The following PADI4 variants were observed in gnomAD, a reference collection of about 807,000 sequenced individuals.
The protein encoded by PADI4 is peptidyl arginine deiminase 4, also known as protein-arginine deiminase type-4.
Under a neutral mutation model 75.0 loss-of-function variants are expected in PADI4, and 62 were observed. The observed-to-expected ratio is 0.83, with a 90% CI of 0.67 to 1.02. The LOEUF (loss-of-function observed/expected upper bound fraction) is 1.02, where lower values mean the gene tolerates loss of function less well. PADI4 is among the 50% of genes least tolerant of loss of function. The pLI is 0.00. For synonymous variants in PADI4, 361 were observed against 348.1 expected (o/e 1.04, Z -0.41); for missense variants, 845 against 850.5 (o/e 0.99, Z 0.08).
chr1:17,354,391 G>T (rs986033419), intron 10 of PADI4, 142 bp from the exon 11 acceptor site: 5 of 731,190 alleles, frequency 6.8e-6, no homozygotes, highest in Non-Finnish European at 1.2e-5. Context: ...TTCCACATGT[G>T]ATAACAGCAC....
At chr1:17,342,907 G>A (rs143450464) in intron 8 of PADI4, among the ~76,000 whole-genome samples, 79 of 152,292 alleles carry the variant, frequency 5.2e-4, no homozygotes, top group African/African-American at 1.7e-3. Context: ...CCCTGGAGGC[G>A]GAGGTTGCAG....
At chr1:17,329,270 G>A (rs1349147787) in intron 1 of PADI4, among the ~76,000 whole-genome samples, 2 of 149,514 alleles carry the variant, frequency 1.3e-5, no homozygotes, top group Non-Finnish European at 3.0e-5. Context: ...AGCTTGCAGT[G>A]AGCCAAGATC....
intron 5 of PADI4, among the ~76,000 whole-genome samples, 157 bp downstream of exon 5, chr1:17,338,312 C>T (rs965354376): frequency 3.9e-5 from 6 of 152,160 alleles, no homozygotes; most frequent in African/African-American, 9.7e-5. Flanking sequence ...CAAAGGCCCT[C>T]GGGGGTCAAG....
chr1:17,309,485 C>T (rs2073758504), intron 1 of PADI4, among the ~76,000 whole-genome samples: 1 of 152,116 alleles, frequency 6.6e-6, no homozygotes, highest in Non-Finnish European at 1.5e-5. Flanking sequence ...TTGTTCAGGG[C>T]TCAGTCTTTT....
intron 10 of PADI4, among the ~76,000 whole-genome samples, chr1:17,351,460 A>G (rs1343798713): frequency 6.6e-6 from 1 of 151,720 alleles, no homozygotes; most frequent in Admixed American, 6.6e-5. Context: ...AAAAATAAAA[A>G]TAAGCCAGGC....
chr1:17,363,421 A>AT (rs2074874218), intron 15 of PADI4, 101 bp from the exon 16 acceptor site: 2 of 760,960 alleles, frequency 2.6e-6, no homozygotes, highest in Non-Finnish European at 4.5e-6. Context: ...CCACCCCTGG[A>AT]GGGGCTATTA....
chr1:17,311,265 A>C (rs2073822071), intron 1 of PADI4, among the ~76,000 whole-genome samples: 1 of 151,976 alleles, frequency 6.6e-6, no homozygotes, highest in African/African-American at 2.4e-5. Flanking sequence ...TCTGTCTCAA[A>C]AAAAAAAAAG....
intron 1 of PADI4, among the ~76,000 whole-genome samples, chr1:17,313,526 A>AAAAG (rs1557536933): frequency 6.8e-6 from 1 of 146,362 alleles, no homozygotes; most frequent in African/African-American, 2.5e-5. Flanking sequence ...AAAAAAGGAA[A>AAAAG]GGAAGGAAAG....
At chr1:17,313,677 C>T (rs1569975375) in intron 1 of PADI4, among the ~76,000 whole-genome samples, 1 of 152,112 alleles carries the variant, frequency 6.6e-6, no homozygotes, top group Middle Eastern at 3.4e-3. Context: ...GCATGAGCCT[C>T]TGTGTGTGAG....
At chr1:17,340,439 C>T (rs1043483659) in intron 6 of PADI4, among the ~76,000 whole-genome samples, 1 of 151,972 alleles carries the variant, frequency 6.6e-6, no homozygotes, top group African/African-American at 2.4e-5. Context: ...GAAGGTGTCC[C>T]CCATGAGGTG....
rs780505819 is a variant in PADI4 at position 17,342,132 on chromosome 1, A to G, written c.831+11A>G. The G allele has an allele frequency of 3.7e-5, 59 of 1,612,328 alleles. No individual in the cohort carries two copies. The Admixed American group carries it at 6.0e-4, about 16-fold the overall frequency. On this transcript the variant is annotated intron_variant, in intron 7 of 15. Transcript: ENST00000375448. ...GACACGTCCAACCTGGTAGGCCGAG[A>G]AGGCAGCCCTGCATCGGGGGCCTGG...
Position 17,342,360 on chromosome 1 carries a change from T to A in PADI4, c.893T>A (p.Met298Lys). Residue 298 changes from methionine (M) to lysine (K), a missense_variant, in exon 8 of 16, where the codon ATG becomes AAG. By Grantham distance (95) the Met-to-Lys change is moderately conservative. Coordinates refer to ENST00000375448, the MANE Select transcript of PADI4 (RefSeq NM_012387.3). Reference protein sequence around the residue: ...SVVFRVAPWIMTPNTQPPQEV... With the variant: ...SVVFRVAPWIKTPNTQPPQEV... The stretch of plus-strand genomic sequence containing the variant: ...GTCTTCCGCGTGGCGCCCTGGATCA[T>A]GACCCCCAACACCCAGCCCCCGCAG... 1 of 1,614,030 alleles carries A rather than the reference T, an allele frequency of 6.2e-7. No homozygotes were observed. Among genetic ancestry groups the A allele is most frequent in the Non-Finnish European group, 8.5e-7 (1 of 1,179,948 alleles).
In PADI4 at chr1:17,347,094, C is replaced by T. The variant is rs150875094; in HGVS notation, c.1048-847C>T. Among the ~76,000 whole-genome samples, 649 of 152,156 alleles carry T rather than the reference C, an allele frequency of 4.3e-3. 5 individuals are homozygous for T. The highest frequency in any genetic ancestry group is 0.015 in the African/African-American group (606 of 41,520). ...CTGTAATTACAGGCATGTGCCACCA[C>T]GCCTGGCTAATTTTGTATTTTTAGT... On this transcript the variant is annotated intron_variant, in intron 9 of 15. Coordinates refer to ENST00000375448, the MANE Select transcript of PADI4 (RefSeq NM_012387.3).
chr1:17,321,823 G>T (rs1318132042), intron 1 of PADI4, among the ~76,000 whole-genome samples: 1 of 152,192 alleles, frequency 6.6e-6, no homozygotes, highest in African/African-American at 2.4e-5. Context: ...CTGGGAGGCA[G>T]GTCCATGCCC....
chr1:17,336,345 GA>G (rs1028775175), intron 4 of PADI4, 119 bp downstream of exon 4: 2 of 684,604 alleles, frequency 2.9e-6, no homozygotes, highest in Admixed American at 5.5e-5. Context: ...GTTAAAAAAA[GA>G]AAGAAAATTA....
intron 1 of PADI4, among the ~76,000 whole-genome samples, chr1:17,319,087 G>A (rs1031343095): frequency 1.8e-4 from 27 of 152,080 alleles, no homozygotes; most frequent in Admixed American, 1.5e-3. Context: ...GGGATTACAG[G>A]CGGGAGCCAT....
intron 4 of PADI4, among the ~76,000 whole-genome samples, chr1:17,337,073 A>G (rs188082238): frequency 2.2e-4 from 34 of 152,376 alleles, no homozygotes; most frequent in African/African-American, 7.9e-4. Flanking sequence ...AACTATTTAG[A>G]TTAGAATATT....
Position 17,336,139 on chromosome 1 carries a change from C to T in PADI4, c.341-20C>T. The stretch of plus-strand genomic sequence containing the variant: ...CCCCGGACCCTCACCAACCTCTCCT[C>T]TTACTTGATGGGATTTCAGAAATCT... On this transcript the variant is annotated intron_variant, in intron 3 of 15. Transcript: ENST00000375448. 6.3e-7 allele frequency: 1 copy of T among 1,596,118 alleles called. No homozygotes were observed. Among genetic ancestry groups the T allele is most frequent in the Non-Finnish European group, 8.6e-7 (1 of 1,163,514 alleles).
chr1:17,336,325 C>T, intron 4 of PADI4, 99 bp downstream of exon 4: 1 of 776,662 alleles, frequency 1.3e-6, no homozygotes, highest in Non-Finnish European at 2.3e-6. Context: ...CCACGTATTC[C>T]GTGTTAACTG....
Sources: gnomAD v4.1 joint callset for allele counts (sites outside exome capture counted in the v4.1 genomes callset) on GRCh38, gnomAD v4.1.1 for gene constraint, MANE v1.5 for transcripts, NCBI Gene and HGNC (gene_info 2026-07-23, HGNC 2026-07-21) for gene names.